ASPRV1: variants seen among roughly 807,000 people sequenced by gnomAD.
ASPRV1 encodes the protein retroviral-like aspartic protease 1.
Under a neutral mutation model 11.0 loss-of-function variants are expected in ASPRV1, and 7 were observed. The ratio of observed to expected loss-of-function variants is 0.64; its 90% CI spans 0.36 to 1.20. The LOEUF (loss-of-function observed/expected upper bound fraction) is 1.20. ASPRV1 is among the 50% of genes most tolerant of loss of function. The pLI is 0.02. For synonymous variants in ASPRV1, 136 were observed against 138.4 expected (o/e 0.98, Z 0.12); for missense variants, 299 against 320.0 (o/e 0.93, Z 0.50).
At chr2:69,966,829 A>G in the ASPRV1 span, among the ~76,000 whole-genome samples, 1 of 152,196 alleles carries the variant, frequency 6.6e-6, no homozygotes, top group East Asian at 1.9e-4. Flanking sequence ...TGTCTTTTCA[A>G]TCAACTGCCA....
chr2:70,009,313 T>G, the ASPRV1 span, among the ~76,000 whole-genome samples: 5 of 146,292 alleles, frequency 3.4e-5, no homozygotes, highest in Non-Finnish European at 7.6e-5. Context: ...TTTATTGTCT[T>G]ATTTATTTAT....
the ASPRV1 span, among the ~76,000 whole-genome samples, chr2:70,072,231 T>C: frequency 5.4e-5 from 8 of 148,904 alleles, no homozygotes; most frequent in African/African-American, 2.0e-4. Flanking sequence ...GGATTACAGG[T>C]GTGAGCCACT....
At chr2:69,938,698 C>T in the ASPRV1 span, 7 of 156,766 alleles carry the variant, frequency 4.5e-5, no homozygotes, top group African/African-American at 1.7e-4. Context: ...CTGAAGGAAA[C>T]AAACTTTTGA....
chr2:69,944,959 T>A, the ASPRV1 span, among the ~76,000 whole-genome samples: 1 of 152,132 alleles, frequency 6.6e-6, no homozygotes, highest in African/African-American at 2.4e-5. Flanking sequence ...TGACTTCTAC[T>A]TAGGCCCTGG....
At chr2:70,040,957 G>A in the ASPRV1 span, among the ~76,000 whole-genome samples, 10 of 152,208 alleles carry the variant, frequency 6.6e-5, no homozygotes, top group East Asian at 1.7e-3. Context: ...TCCTATAAGC[G>A]AGCTGACTCC....
At chr2:70,062,339 G>C in the ASPRV1 span, among the ~76,000 whole-genome samples, 49 of 152,200 alleles carry the variant, frequency 3.2e-4, no homozygotes, top group Admixed American at 1.8e-3. Flanking sequence ...CTGGAGACCA[G>C]ATGACTGGTG....
chr2:69,976,843 G>A, the ASPRV1 span, among the ~76,000 whole-genome samples: 1 of 152,062 alleles, frequency 6.6e-6, no homozygotes, highest in Non-Finnish European at 1.5e-5. Context: ...CCAACCTATA[G>A]GAACAGAGTG....
the ASPRV1 span, among the ~76,000 whole-genome samples, chr2:70,039,484 G>A: frequency 6.6e-6 from 1 of 152,146 alleles, no homozygotes; most frequent in Non-Finnish European, 1.5e-5. Flanking sequence ...TAAGGAGAAG[G>A]ATGACTCCAG....
chr2:70,055,530 A>G, the ASPRV1 span: 2 of 152,156 alleles, frequency 1.3e-5, no homozygotes, highest in Non-Finnish European at 1.5e-5. Flanking sequence ...ACACAGGAAC[A>G]TAATACCAAA....
At chr2:69,996,059 G>A in the ASPRV1 span, among the ~76,000 whole-genome samples, 1 of 151,840 alleles carries the variant, frequency 6.6e-6, no homozygotes, top group African/African-American at 2.4e-5. Flanking sequence ...CAACTTCATA[G>A]TGCCTGTTTT....
At chr2:69,937,024 G>A in the ASPRV1 span, 1 of 690,056 alleles carries the variant, frequency 1.4e-6, no homozygotes, top group East Asian at 3.0e-5. Flanking sequence ...GACAGGACAA[G>A]TACCCCCAGC....
the ASPRV1 span, among the ~76,000 whole-genome samples, chr2:70,078,881 C>A: frequency 6.6e-6 from 1 of 152,098 alleles, no homozygotes; most frequent in South Asian, 2.1e-4. Flanking sequence ...GGGCAAAGAG[C>A]AAAAGGAGGA....
the ASPRV1 span, among the ~76,000 whole-genome samples, chr2:69,951,444 T>A: frequency 3.7e-5 from 3 of 80,892 alleles, no homozygotes; most frequent in African/African-American, 6.8e-5. Context: ...AAAAAAAAAG[T>A]GAGTGTGTGT....
rs1423597667 is a variant in ASPRV1 at position 69,961,628 on chromosome 2, C to T, written c.-192G>A. 6.2e-7 allele frequency: 1 copy of T among 1,602,118 alleles called. No individual in the cohort carries two copies. Among genetic ancestry groups the T allele is most frequent in the South Asian group, 1.1e-5 (1 of 89,054 alleles). On this transcript the variant is annotated 5_prime_UTR_variant, in exon 1 of 1. Coordinates refer to ENST00000320256, the MANE Select transcript of ASPRV1 (RefSeq NM_152792.4). ...ACTGCTGGGGCAGAGGCAGGCAGTG[C>T]TGTGGCCTGTTCACTCTGCAGAGCC... is the stretch of plus-strand genomic sequence containing the variant.
upstream of ASPRV1, chr2:69,963,138 T>A (rs1457726390): frequency 5.0e-6 from 2 of 401,536 alleles, no homozygotes; most frequent in African/African-American, 4.1e-5. Context: ...TGCAAGACTG[T>A]GCTGTCCCCA....
At chr2:70,066,004 T>C in the ASPRV1 span, among the ~76,000 whole-genome samples, 2 of 151,526 alleles carry the variant, frequency 1.3e-5, no homozygotes, top group African/African-American at 4.8e-5. Context: ...GGCCAGGAGG[T>C]CGAGACCAGC....
Position 69,961,530 on chromosome 2 carries a change from C to G in ASPRV1, c.-94G>C. ...GCGCAATCACGCTGGAAAACGGGGCCTCTCGAAGCAGAGTGGGGATGACTT... is the reference window on the plus strand; with the variant it reads ...GCGCAATCACGCTGGAAAACGGGGCGTCTCGAAGCAGAGTGGGGATGACTT... On this transcript the variant is annotated 5_prime_UTR_variant, in exon 1 of 1. Coordinates refer to ENST00000320256, the MANE Select transcript of ASPRV1 (RefSeq NM_152792.4). 1 of 1,614,138 alleles carries G rather than the reference C, an allele frequency of 6.2e-7. No homozygotes were observed.
the ASPRV1 span, chr2:69,975,636 C>T: frequency 1.3e-5 from 2 of 152,276 alleles, no homozygotes; most frequent in Admixed American, 1.3e-4. Flanking sequence ...CCTTGCTGAG[C>T]TATGGAGGGG....
upstream of ASPRV1, chr2:69,963,475 T>C (rs1301224567): frequency 2.2e-6 from 1 of 456,178 alleles, no homozygotes; most frequent in Admixed American, 2.3e-5. Context: ...TTCCCTGGTA[T>C]TCATTACCTC....
Sources: allele counts gnomAD v4.1 joint callset (sites outside exome capture counted in the v4.1 genomes callset), GRCh38; gene constraint gnomAD v4.1.1; transcripts MANE v1.5; gene names NCBI Gene and HGNC (gene_info 2026-07-23, HGNC 2026-07-21).